SNTG2: variants seen among roughly 807,000 people sequenced by gnomAD.
SNTG2 encodes gamma-2-syntrophin.
A neutral mutation model predicts 70.9 loss-of-function variants in SNTG2; 74 were observed. That is an observed-to-expected ratio of 1.04 (90% CI 0.86 to 1.27). The LOEUF is 1.27. SNTG2 is among the 50% of genes most tolerant of loss of function. The pLI, the probability that SNTG2 is intolerant of heterozygous loss-of-function variation, is 0.00. For synonymous variants in SNTG2, 278 were observed against 273.8 expected, an observed-to-expected ratio of 1.02 and a Z score of -0.15; for missense variants, 717 against 690.7, an observed-to-expected ratio of 1.04 and a Z score of -0.43.
chr2:1,244,478 C>T (rs1186554882), intron 11 of SNTG2, among the ~76,000 whole-genome samples: 2 of 151,980 alleles, frequency 1.3e-5, no homozygotes, highest in Non-Finnish European at 2.9e-5. Context: ...TGGCGGATCA[C>T]GAGGGCAGGA....
chr2:1,187,902 G>A (rs958232614), intron 8 of SNTG2, among the ~76,000 whole-genome samples: 2 of 152,150 alleles, frequency 1.3e-5, no homozygotes, highest in Non-Finnish European at 2.9e-5. Flanking sequence ...AGACTTGTTC[G>A]CACAAAGAGA....
chr2:1,214,662 A>G (rs946145583), intron 9 of SNTG2, among the ~76,000 whole-genome samples: 4 of 152,136 alleles, frequency 2.6e-5, no homozygotes, highest in African/African-American at 9.7e-5. Flanking sequence ...TTTTCTATAT[A>G]TAAGCTTATG....
chr2:1,318,645 C>T (rs752698464), intron 16 of SNTG2, among the ~76,000 whole-genome samples: 10 of 152,196 alleles, frequency 6.6e-5, no homozygotes, highest in Non-Finnish European at 1.3e-4. Context: ...GGTGGGAACG[C>T]GGAGAGAGAG....
chr2:986,067 T>TACAGAGAGAG (rs1661306201), intron 1 of SNTG2, among the ~76,000 whole-genome samples: 1 of 129,718 alleles, frequency 7.7e-6, no homozygotes, highest in African/African-American at 2.9e-5. Context: ...CTGCAAATAA[T>TACAGAGAGAG]AGAGAGAGAG....
At chr2:1,187,654 G>A (rs981729107) in intron 8 of SNTG2, among the ~76,000 whole-genome samples, 10 of 152,030 alleles carry the variant, frequency 6.6e-5, no homozygotes, top group Non-Finnish European at 1.3e-4. Flanking sequence ...CCAATTCTAG[G>A]CAAACTATTG....
chr2:1,034,143 A>G (rs1330936649), intron 1 of SNTG2, among the ~76,000 whole-genome samples: 1 of 151,502 alleles, frequency 6.6e-6, no homozygotes, highest in African/African-American at 2.4e-5. Flanking sequence ...CTTACCCTCC[A>G]CCTTCAAGTG....
At chr2:977,498 C>T (rs562893023) in intron 1 of SNTG2, among the ~76,000 whole-genome samples, 1 of 152,278 alleles carries the variant, frequency 6.6e-6, no homozygotes, top group African/African-American at 2.4e-5. Flanking sequence ...TTCCCCTGAC[C>T]CGCTGCCTCC....
At chr2:966,297 T>C (rs1485701742) in intron 1 of SNTG2, among the ~76,000 whole-genome samples, 2 of 151,964 alleles carry the variant, frequency 1.3e-5, no homozygotes, top group African/African-American at 2.4e-5. Context: ...AGAGTACTTA[T>C]TTTACATTTT....
chr2:1,069,339 G>GAAA (rs36036888), intron 1 of SNTG2, among the ~76,000 whole-genome samples: 6 of 142,726 alleles, frequency 4.2e-5, no homozygotes, highest in Non-Finnish European at 6.1e-5. Flanking sequence ...TTATATAAAT[G>GAAA]AAAAAAAAAA....
At position 1,237,873 on chromosome 2, in the gene SNTG2, T is replaced by A; in HGVS notation, c.720-15T>A. On this transcript the variant is annotated splice_polypyrimidine_tract_variant and intron_variant, in intron 9 of 16. Transcript: ENST00000308624. The stretch of plus-strand genomic sequence containing the variant: ...GTCGCTGCGGGGCCTCCTGGACAGC[T>A]CTCTCCCTCCCCAGGTGGAATGCGT... The A allele has an allele frequency of 6.3e-7, 1 of 1,593,590 alleles. No homozygotes were observed. Among genetic ancestry groups the A allele is most frequent in the Non-Finnish European group, 8.5e-7 (1 of 1,170,522 alleles).
chr2:1,310,217 G>A (rs1382357895), intron 15 of SNTG2, among the ~76,000 whole-genome samples: 1 of 152,162 alleles, frequency 6.6e-6, no homozygotes, highest in African/African-American at 2.4e-5. Context: ...CCACTGGAAG[G>A]AGCCTGTGAG....
intron 6 of SNTG2, among the ~76,000 whole-genome samples, chr2:1,138,592 T>A (rs57899597): frequency 0.088 from 13,338 of 151,866 alleles, 649 homozygotes; most frequent in Admixed American, 0.14. Flanking sequence ...GGCAGAGCAG[T>A]CCCTGTGCTG....
At chr2:1,173,976 C>T (rs1472524259) in intron 8 of SNTG2, among the ~76,000 whole-genome samples, 2 of 152,350 alleles carry the variant, frequency 1.3e-5, no homozygotes, top group African/African-American at 4.8e-5. Context: ...TGACTGGATA[C>T]TTCATACACA....
chr2:1,027,924 A>G (rs113372456), intron 1 of SNTG2, among the ~76,000 whole-genome samples: 4,720 of 140,168 alleles, frequency 0.034, 283 homozygotes, highest in African/African-American at 0.12. Context: ...TGACCCACAG[A>G]CACTACCCAG....
At chr2:1,069,622 C>T (rs1268481080) in intron 1 of SNTG2, among the ~76,000 whole-genome samples, 3 of 152,120 alleles carry the variant, frequency 2.0e-5, no homozygotes, top group African/African-American at 7.2e-5. Flanking sequence ...GAAACCCTGT[C>T]TGTACTAAAA....
At chr2:1,105,907 AG>A (rs1666093888) in intron 4 of SNTG2, among the ~76,000 whole-genome samples, 1 of 152,234 alleles carries the variant, frequency 6.6e-6, no homozygotes, top group Non-Finnish European at 1.5e-5. Context: ...CAGCCAGGTC[AG>A]GATGCACACC....
At chr2:1,219,043 G>A (rs1287915976) in intron 9 of SNTG2, among the ~76,000 whole-genome samples, 2 of 152,196 alleles carry the variant, frequency 1.3e-5, no homozygotes, top group African/African-American at 4.8e-5. Context: ...GGTAGGTCCT[G>A]GTGGGAGGTG....
intron 1 of SNTG2, among the ~76,000 whole-genome samples, chr2:1,005,163 T>C (rs900080044): frequency 7.2e-5 from 11 of 151,986 alleles, no homozygotes; most frequent in East Asian, 1.9e-4. Context: ...AGATCATGGA[T>C]TGTGGGGCGG....
At chr2:1,239,706 G>A in intron 10 of SNTG2, 32 bp from the exon 11 acceptor site, 1 of 1,611,378 alleles carries the variant, frequency 6.2e-7, no homozygotes, top group Non-Finnish European at 8.5e-7. Flanking sequence ...GTTGGTGGCT[G>A]TGGCCCTGAC....
Sources: gnomAD v4.1 joint callset for allele counts (sites outside exome capture counted in the v4.1 genomes callset) on GRCh38, gnomAD v4.1.1 for gene constraint, MANE v1.5 for transcripts, NCBI Gene and HGNC (gene_info 2026-07-23, HGNC 2026-07-21) for gene names.